The following SIPA1L1 variants were observed in gnomAD, a reference collection of about 807,000 sequenced individuals.
The protein encoded by SIPA1L1 is signal induced proliferation associated 1 like 1.
In SIPA1L1, 26 loss-of-function variants were observed where a neutral mutation model predicts 162.7. The ratio of observed to expected loss-of-function variants is 0.16; its 90% confidence interval spans 0.12 to 0.22. The LOEUF (loss-of-function observed/expected upper bound fraction) is 0.22, where lower values mean the gene tolerates loss of function less well. SIPA1L1 is among the 10% of genes least tolerant of loss of function. The pLI, the probability that SIPA1L1 is intolerant of heterozygous loss-of-function variation, is 1.00. For synonymous variants in SIPA1L1, 829 were observed against 837.4 expected, an observed-to-expected ratio of 0.99 and a Z score of 0.17; for missense variants, 1,874 against 2,241.0, an observed-to-expected ratio of 0.84 and a Z score of 3.31.
At chr14:71,458,024 T>C (rs962748952) in intron 2 of SIPA1L1, among the ~76,000 whole-genome samples, 2 of 152,200 alleles carry the variant, frequency 1.3e-5, no homozygotes, top group Admixed American at 1.3e-4. Context: ...TTAAACAATA[T>C]CATTTGAAGA....
chr14:71,380,416 C>T (rs147639862), intron 2 of SIPA1L1, among the ~76,000 whole-genome samples: 1 of 152,282 alleles, frequency 6.6e-6, no homozygotes, highest in Non-Finnish European at 1.5e-5. Context: ...CTTAAATGCT[C>T]AAGAACTTAC....
chr14:71,460,239 T>C (rs754022941), intron 2 of SIPA1L1, among the ~76,000 whole-genome samples: 1 of 152,196 alleles, frequency 6.6e-6, no homozygotes, highest in Non-Finnish European at 1.5e-5. Context: ...TACTACCCAT[T>C]CTGTATTCCC....
chr14:71,488,807 G>C (rs767165523), intron 2 of SIPA1L1, among the ~76,000 whole-genome samples: 1 of 152,164 alleles, frequency 6.6e-6, no homozygotes, highest in Non-Finnish European at 1.5e-5. Flanking sequence ...TGGTATTCAT[G>C]TACTCTGCAC....
chr14:71,714,211 G>A (rs938702389), intron 17 of SIPA1L1, among the ~76,000 whole-genome samples: 7 of 152,168 alleles, frequency 4.6e-5, no homozygotes, highest in Non-Finnish European at 1.0e-4. Flanking sequence ...GCTTTTGGGG[G>A]TGGTTATTTT....
chr14:71,500,503 A>T (rs1238712238), intron 2 of SIPA1L1, among the ~76,000 whole-genome samples: 1 of 152,068 alleles, frequency 6.6e-6, no homozygotes, highest in South Asian at 2.1e-4. Flanking sequence ...GAGCAATTGG[A>T]CAGCTCTGCT....
At chr14:71,331,833 A>T (rs1594851154) in intron 2 of SIPA1L1, among the ~76,000 whole-genome samples, 1 of 152,088 alleles carries the variant, frequency 6.6e-6, no homozygotes, top group Non-Finnish European at 1.5e-5. Flanking sequence ...TATATTTTGG[A>T]TGTGTTAAAA....
At chr14:71,733,947 G>T in intron 21 of SIPA1L1, 135 bp downstream of exon 21, 3 of 922,186 alleles carry the variant, frequency 3.3e-6, no homozygotes, top group Middle Eastern at 3.4e-4. Context: ...TGAGCATTCA[G>T]TAGGGACCAG....
rs1273449666 is a variant in SIPA1L1, at chr14:71,650,385, C to G, written c.1869C>G (p.Ser623Arg). ...TCATGTACTGCAAAGCTGGACAGAG[C>G]ACTGAAGAAGAGATGTACAACAATG... Reference protein sequence around the residue: ...VGIMYCKAGQSTEEEMYNNES... With the variant: ...VGIMYCKAGQRTEEEMYNNES... The change falls in exon 8 of 24, where the codon AGC becomes AGG. Residue 623 changes from serine (S) to arginine (R), a missense_variant. By Grantham distance (110) the Ser-to-Arg change is moderately radical. Coordinates refer to ENST00000381232, the MANE Select transcript of SIPA1L1 (RefSeq NM_001386936.1). 16 of 1,614,042 alleles carry G rather than the reference C, an allele frequency of 9.9e-6. No homozygotes were observed. Among genetic ancestry groups the G allele is most frequent in the Non-Finnish European group, 1.4e-5 (16 of 1,180,010 alleles).
chr14:71,467,369 CTATT>C (rs1403525294), intron 2 of SIPA1L1: 2 of 152,118 alleles, frequency 1.3e-5, no homozygotes, highest in African/African-American at 4.8e-5. Context: ...TCGTCATTCA[CTATT>C]TGTTTGATGA....
At position 71,544,034 on chromosome 14, in the gene SIPA1L1, T is replaced by C. The variant is rs151092119; in HGVS notation, c.-303+14664T>C. On this transcript the variant is annotated intron_variant, in intron 4 of 23. Coordinates refer to ENST00000381232, the MANE Select transcript of SIPA1L1 (RefSeq NM_001386936.1). ...ATATATACACATACGCACATGTATG[T>C]ATATACACACGCACGCACATGTATG... Among the ~76,000 whole-genome samples, 15 of 147,826 alleles carry C rather than the reference T, an allele frequency of 1.0e-4. No homozygotes were observed. In the South Asian group the frequency reaches 2.1e-3, roughly 21 times the overall value.
intron 13 of SIPA1L1, among the ~76,000 whole-genome samples, chr14:71,692,115 T>C (rs950970062): frequency 6.6e-6 from 1 of 152,196 alleles, no homozygotes; most frequent in Non-Finnish European, 1.5e-5. Context: ...TAATGACCCT[T>C]TAATAACAAA....
intron 2 of SIPA1L1, among the ~76,000 whole-genome samples, chr14:71,368,160 CT>C (rs957469281): frequency 0.013 from 1,303 of 100,780 alleles, 2 homozygotes; most frequent in Middle Eastern, 0.022. Flanking sequence ...TTTTTTCTTT[CT>C]TTTTTTTTTT....
rs940877196 is a variant in SIPA1L1, at chr14:71,723,824, C to T, written c.4386C>T (p.Tyr1462=). The change falls in exon 18 of 24, where the codon TAC becomes TAT. Residue 1462 remains tyrosine, a synonymous_variant. Coordinates refer to ENST00000381232, the MANE Select transcript of SIPA1L1 (RefSeq NM_001386936.1). ...CTCGCCAGGGCGCTACTAGCAAGTA[C>T]CTGATTGGATGGAAAAAACCCGAAG... The part of the protein sequence containing the change: ...FYPRQGATSK[Y]LIGWKKPEGT... 2 of 1,614,144 alleles carry T rather than the reference C, an allele frequency of 1.2e-6. No individual in the cohort carries two copies. The highest frequency in any genetic ancestry group is 1.7e-6 in the Non-Finnish European group (2 of 1,180,022).
At chr14:71,671,936 T>TGC (rs1423347479) in intron 11 of SIPA1L1, among the ~76,000 whole-genome samples, 3 of 150,200 alleles carry the variant, frequency 2.0e-5, no homozygotes, top group African/African-American at 7.4e-5. Flanking sequence ...TGTGTGTGTG[T>TGC]GTGTGTGCGT....
Position 71,440,581 on chromosome 14 carries a change from C to T in SIPA1L1, c.-464-72162C>T, listed in dbSNP as rs956454610. 4.0e-5 allele frequency among the ~76,000 whole-genome samples: 5 copies of T among 123,730 alleles called. 1 individual carries two copies. The South Asian group carries it at 8.2e-4, about 20-fold the overall frequency. The allele number at this position is 123,730 out of a possible 152,430, so 81.2% of individuals were successfully genotyped here. A position where few individuals can be genotyped will look rare whatever the true frequency, so the allele number is the denominator to read the frequency against. On this transcript the variant is annotated intron_variant, in intron 2 of 23. Transcript: ENST00000381232. ...GGAGGATAGCTTGAGCCTGGGAGGT[C>T]GAGGCTGCAGTGAGCTGAGATCACA...
chr14:71,545,071 G>T (rs1294630270), intron 4 of SIPA1L1, among the ~76,000 whole-genome samples: 2 of 151,966 alleles, frequency 1.3e-5, no homozygotes, highest in Non-Finnish European at 2.9e-5. Context: ...TGTTGCTCAG[G>T]CTGGTCTCAA....
Position 71,730,375 on chromosome 14 carries a change from CAT to C in SIPA1L1, c.4861+75_4861+76del, listed in dbSNP as rs1033081376. 100 of 1,548,724 alleles carry C rather than the reference CAT, an allele frequency of 6.5e-5. No individual in the cohort carries two copies. The African/African-American group carries it at 1.1e-3, about 17-fold the overall frequency. On this transcript the variant is annotated intron_variant, in intron 20 of 23. Transcript: ENST00000381232. The stretch of plus-strand genomic sequence containing the variant: ...AGTGTCCCCAGACGTGGCTGCCACT[CAT>C]GTGCTCAGAGAGGGGTCCTGTATCC...
chr14:71,473,791 A>G (rs2047648787), intron 2 of SIPA1L1, among the ~76,000 whole-genome samples: 2 of 152,374 alleles, frequency 1.3e-5, no homozygotes, highest in South Asian at 4.1e-4. Flanking sequence ...AAATGTTCTC[A>G]GAAGGAGTCT....
At chr14:71,446,900 T>TTTTTTG (rs1213006425) in intron 2 of SIPA1L1, among the ~76,000 whole-genome samples, 2 of 84,336 alleles carry the variant, frequency 2.4e-5, no homozygotes, top group Non-Finnish European at 4.1e-5. Flanking sequence ...CTCTGTTTTT[T>TTTTTTG]TTTTTGTTTT....
Sources: gnomAD v4.1 joint callset for allele counts (sites outside exome capture counted in the v4.1 genomes callset) on GRCh38, gnomAD v4.1.1 for gene constraint, MANE v1.5 for transcripts, NCBI Gene and HGNC (gene_info 2026-07-23, HGNC 2026-07-21) for gene names.